The following DPP6 variants were observed in gnomAD, a reference collection of about 807,000 sequenced individuals.
The protein encoded by DPP6 is dipeptidyl peptidase like 6, also known as A-type potassium channel modulatory protein DPP6.
Under a neutral mutation model 122.6 loss-of-function variants are expected in DPP6, and 69 were observed. That is an observed-to-expected ratio of 0.56 (90% CI 0.46 to 0.69). DPP6 has a LOEUF of 0.69. Among genes scored for constraint, DPP6 ranks in the 30% least tolerant of loss-of-function variants. DPP6 has a pLI of 0.00. For missense variants in DPP6, 928 were observed against 1,116.9 expected (o/e 0.83, Z 2.41); for synonymous variants, 418 against 433.1 (o/e 0.97, Z 0.43).
chr7:154,287,690 C>A lies in DPP6; in HGVS notation c.244-158524C>A, dbSNP rs1804944898. Among the ~76,000 whole-genome samples the A allele has an allele frequency of 3.3e-5, 5 of 152,192 alleles. No individual in the cohort carries two copies. In the South Asian group the frequency reaches 1.0e-3, roughly 32 times the overall value. On this transcript the variant is annotated intron_variant, in intron 1 of 25. Coordinates refer to ENST00000377770, the MANE Select transcript of DPP6 (RefSeq NM_130797.4). ...GGAGACGACCAGCTCGGCCACACTT[C>A]TGAGATTAGGACTCCCTGATGGGCC...
intron 1 of DPP6, among the ~76,000 whole-genome samples, chr7:154,436,135 G>A (rs1818841101): frequency 6.6e-6 from 1 of 151,620 alleles, no homozygotes; most frequent in Non-Finnish European, 1.5e-5. Flanking sequence ...ATCCTCCCCT[G>A]GCTTCCTATT....
chr7:153,803,852 C>A, the DPP6 span, among the ~76,000 whole-genome samples: 1 of 149,700 alleles, frequency 6.7e-6, no homozygotes, highest in South Asian at 2.1e-4. Flanking sequence ...TACACACACA[C>A]ACATATATAT....
At chr7:154,768,571 G>A (rs989631501) in intron 8 of DPP6, among the ~76,000 whole-genome samples, 2 of 152,154 alleles carry the variant, frequency 1.3e-5, no homozygotes, top group African/African-American at 4.8e-5. Context: ...ACAATGAAAT[G>A]GGTTCTCTGA....
intron 1 of DPP6, among the ~76,000 whole-genome samples, chr7:154,308,802 T>C (rs543529312): frequency 1.3e-5 from 2 of 152,340 alleles, no homozygotes; most frequent in East Asian, 3.9e-4. Context: ...GATTTAAAAT[T>C]GAAAAGCAGT....
chr7:154,844,679 C>T (rs1192674888), intron 16 of DPP6, among the ~76,000 whole-genome samples: 1 of 152,154 alleles, frequency 6.6e-6, no homozygotes, highest in African/African-American at 2.4e-5. Flanking sequence ...GATGCGAAGG[C>T]GGCCTGCAGA....
At chr7:154,870,143 A>AT (rs1310478201) in intron 18 of DPP6, among the ~76,000 whole-genome samples, 3,330 of 110,842 alleles carry the variant, frequency 0.03, 163 homozygotes, top group Admixed American at 0.16. Context: ...TGCCCAACTA[A>AT]TTCTTTTTTT....
chr7:154,642,415 A>C (rs1586793433), intron 6 of DPP6, among the ~76,000 whole-genome samples: 1 of 151,378 alleles, frequency 6.6e-6, no homozygotes, highest in East Asian at 2.0e-4. Context: ...CTGTTGCAAA[A>C]CCCCATCTCT....
At chr7:154,662,154 A>G (rs10085618) in intron 6 of DPP6, among the ~76,000 whole-genome samples, 114,611 of 146,174 alleles carry the variant, frequency 0.78, 46,137 homozygotes, top group South Asian at 0.9. Flanking sequence ...TCACCATGGC[A>G]TATTGGCCGT....
chr7:153,768,608 A>G, the DPP6 span, among the ~76,000 whole-genome samples: 1 of 152,270 alleles, frequency 6.6e-6, no homozygotes, highest in African/African-American at 2.4e-5. Flanking sequence ...CGTTTTCTTG[A>G]TGACTAGTGA....
intron 1 of DPP6, among the ~76,000 whole-genome samples, chr7:154,133,692 CCTGGGGCAGCAGTTCCCCACTGTAT>C (rs1238912974): frequency 1.3e-5 from 2 of 151,948 alleles, no homozygotes; most frequent in Non-Finnish European, 2.9e-5. Flanking sequence ...CTGTTCTAAA[CCTGGGGCAGCAGTTCCCCACTGTAT>C]CTGGGACAGA....
chr7:154,190,556 T>G (rs1208173168), intron 1 of DPP6, among the ~76,000 whole-genome samples: 1 of 152,232 alleles, frequency 6.6e-6, no homozygotes, highest in East Asian at 1.9e-4. Context: ...TGTAATTTTT[T>G]TCTGCAAATA....
intron 8 of DPP6, among the ~76,000 whole-genome samples, chr7:154,734,473 C>T (rs994186368): frequency 2.0e-5 from 3 of 152,222 alleles, no homozygotes; most frequent in African/African-American, 4.8e-5. Context: ...ACCCGTCATA[C>T]ATCTTAGTGA....
chr7:154,682,633 G>A (rs1224097160), intron 7 of DPP6, among the ~76,000 whole-genome samples: 2 of 152,228 alleles, frequency 1.3e-5, no homozygotes, highest in African/African-American at 4.8e-5. Context: ...AAATTTTAGT[G>A]TGTCCAAGTC....
rs555944813 is a variant in DPP6 at position 154,582,709 on chromosome 7, T to C, written c.627+15793T>C. Reference sequence around the variant, plus strand: ...CAAAGACAAAAAAGTTCTCTCTCTCTCAACCCATACCCATGTCCTCCTCTG... The same window carrying C: ...CAAAGACAAAAAAGTTCTCTCTCTCCCAACCCATACCCATGTCCTCCTCTG... On this transcript the variant is annotated intron_variant, in intron 5 of 25. Coordinates refer to ENST00000377770, the MANE Select transcript of DPP6 (RefSeq NM_130797.4). 3.3e-5 allele frequency among the ~76,000 whole-genome samples: 5 copies of C among 152,296 alleles called. No individual in the cohort carries two copies. The South Asian group carries it at 1.0e-3, about 32-fold the overall frequency.
intron 1 of DPP6, among the ~76,000 whole-genome samples, chr7:153,980,672 A>G (rs1220689466): frequency 6.6e-6 from 1 of 152,066 alleles, no homozygotes; most frequent in Non-Finnish European, 1.5e-5. Context: ...TTGCTTTCTC[A>G]TGTGGGTGTT....
chr7:154,447,964 T>C (rs1035115000), intron 2 of DPP6, among the ~76,000 whole-genome samples: 1 of 152,134 alleles, frequency 6.6e-6, no homozygotes, highest in Non-Finnish European at 1.5e-5. Flanking sequence ...GCTAGCATCA[T>C]ACTGAAGAGC....
At chr7:154,566,412 TC>T (rs1359826732) in intron 4 of DPP6, among the ~76,000 whole-genome samples, 1 of 152,090 alleles carries the variant, frequency 6.6e-6, no homozygotes, top group Non-Finnish European at 1.5e-5. Flanking sequence ...CTCCCAAGTA[TC>T]TGGGTCTACA....
chr7:154,072,222 C>T (rs141269058), intron 1 of DPP6, among the ~76,000 whole-genome samples: 2,242 of 152,310 alleles, frequency 0.015, 18 homozygotes, highest in African/African-American at 0.051. Context: ...CAGTTCTGTT[C>T]ATTCCCCCTA....
intron 1 of DPP6, among the ~76,000 whole-genome samples, chr7:153,915,053 T>A (rs775223896): frequency 3.3e-5 from 5 of 152,248 alleles, no homozygotes; most frequent in Admixed American, 6.5e-5. Flanking sequence ...TCTTTTCTGC[T>A]GTACGTGTGA....
Sources: gnomAD v4.1 joint callset for allele counts (sites outside exome capture counted in the v4.1 genomes callset) on GRCh38, gnomAD v4.1.1 for gene constraint, MANE v1.5 for transcripts, NCBI Gene and HGNC (gene_info 2026-07-23, HGNC 2026-07-21) for gene names.